The following TMEM232 variants were observed in gnomAD, a reference collection of about 807,000 sequenced individuals.
TMEM232 encodes transmembrane protein 232.
Under a neutral mutation model 78.8 loss-of-function variants are expected in TMEM232, and 80 were observed. That is an observed-to-expected ratio of 1.01 (90% confidence interval 0.85 to 1.22). The LOEUF (loss-of-function observed/expected upper bound fraction) is 1.22, where lower values mean the gene tolerates loss of function less well. Among genes scored for constraint, TMEM232 ranks in the 50% most tolerant of loss-of-function variants. The probability of loss-of-function intolerance (pLI) is 0.00; values close to 1 mark genes in which losing one functional copy is unlikely to be tolerated. For missense variants in TMEM232, 881 were observed against 742.2 expected (o/e 1.19, Z -2.17); for synonymous variants, 297 against 254.3 (o/e 1.17, Z -1.60).
Position 110,420,695 on chromosome 5 carries a change from T to C in TMEM232, c.1859A>G (p.Lys620Arg). 6.5e-7 allele frequency: 1 copy of C among 1,527,860 alleles called. No individual in the cohort carries two copies. The highest frequency in any genetic ancestry group is 8.7e-7 in the Non-Finnish European group (1 of 1,144,384). 94.6% of individuals were successfully genotyped at this position (1,527,860 alleles called of 1,614,324 possible). A position where few individuals can be genotyped will look rare whatever the true frequency, so the allele number is the denominator to read the frequency against. ...EDAICKAQELKDKKLAEKNHF... is the reference protein window; with the variant it reads ...EDAICKAQELRDKKLAEKNHF... ...ATTTTTCTCTGCTAACTTTTTATCT[T>C]TAAGTTCTTGGGCCTTGCATATTGC... The change falls in exon 14 of 14, where the codon AAA becomes AGA. Residue 620 changes from lysine (K) to arginine (R), a missense_variant. Coordinates refer to ENST00000455884, the MANE Select transcript of TMEM232 (RefSeq NM_001039763.4).
At chr5:110,523,983 G>T (rs1316646488) in intron 12 of TMEM232, among the ~76,000 whole-genome samples, 2 of 111,646 alleles carry the variant, frequency 1.8e-5, no homozygotes, top group Non-Finnish European at 3.6e-5. Flanking sequence ...GGGGCGGGGG[G>T]GCTGGGCCTG....
intron 10 of TMEM232, among the ~76,000 whole-genome samples, chr5:110,569,021 C>T (rs1007851158): frequency 1.3e-5 from 2 of 151,744 alleles, no homozygotes; most frequent in Non-Finnish European, 2.9e-5. Flanking sequence ...AAAAATACTT[C>T]CTGTTATTAA....
At chr5:110,427,426 A>G (rs1757361396) in intron 12 of TMEM232, among the ~76,000 whole-genome samples, 2 of 152,016 alleles carry the variant, frequency 1.3e-5, no homozygotes, top group African/African-American at 4.8e-5. Flanking sequence ...ATTGTAAGAA[A>G]AAGGAATGGA....
chr5:110,492,580 G>C lies in TMEM232; in HGVS notation c.1703+36008C>G, dbSNP rs1765230145. ...TACTACAACTATTCTTATGTCAAAA[G>C]GTTCAAACCATTCTGTTTACATTAG... On this transcript the variant is annotated intron_variant, in intron 12 of 13. Coordinates refer to ENST00000455884, the MANE Select transcript of TMEM232 (RefSeq NM_001039763.4). 2.0e-5 allele frequency among the ~76,000 whole-genome samples: 3 copies of C among 151,822 alleles called. No individual in the cohort carries two copies. The South Asian group carries it at 6.2e-4, about 32-fold the overall frequency.
chr5:110,408,065 A>C (rs1028139286), intron 2 of TMEM232, among the ~76,000 whole-genome samples: 9 of 152,130 alleles, frequency 5.9e-5, no homozygotes, highest in African/African-American at 2.2e-4. Context: ...AATCTATGGG[A>C]TACAACAAAA....
chr5:110,738,239 T>C (rs1303937925), upstream of TMEM232: 1 of 1,287,102 alleles, frequency 7.8e-7, no homozygotes, highest in African/African-American at 1.5e-5. Flanking sequence ...GTGGAGCTAA[T>C]GAAAACAGGT....
At chr5:110,472,660 C>G (rs887111151) in intron 12 of TMEM232, among the ~76,000 whole-genome samples, 3 of 151,828 alleles carry the variant, frequency 2.0e-5, no homozygotes, top group Admixed American at 6.6e-5. Context: ...ATCTCACTAC[C>G]TAACTTCAAA....
At chr5:110,478,492 G>C (rs961863007) in intron 12 of TMEM232, among the ~76,000 whole-genome samples, 3 of 151,916 alleles carry the variant, frequency 2.0e-5, no homozygotes, top group African/African-American at 7.2e-5. Context: ...AAGCAACTGA[G>C]GCCATTTTTG....
At chr5:110,613,609 G>T (rs943401764) in intron 8 of TMEM232, among the ~76,000 whole-genome samples, 2 of 152,080 alleles carry the variant, frequency 1.3e-5, no homozygotes, top group African/African-American at 4.8e-5. Flanking sequence ...ATTTAGTCCA[G>T]CAAATCCTGA....
intron 2 of TMEM232, among the ~76,000 whole-genome samples, chr5:110,658,730 G>A (rs1789414087): frequency 6.6e-6 from 1 of 152,022 alleles, no homozygotes; most frequent in Non-Finnish European, 1.5e-5. Context: ...ATCCCAAAGA[G>A]GGTTAATTGG....
At chr5:110,653,622 T>C (rs959730514) in intron 2 of TMEM232, among the ~76,000 whole-genome samples, 1 of 152,138 alleles carries the variant, frequency 6.6e-6, no homozygotes, top group Non-Finnish European at 1.5e-5. Context: ...TTGATCTATC[T>C]AAATCAATAG....
intron 1 of TMEM232, among the ~76,000 whole-genome samples, chr5:110,700,143 T>C (rs569377802): frequency 6.6e-6 from 1 of 152,072 alleles, no homozygotes; most frequent in East Asian, 1.9e-4. Flanking sequence ...CACAAATAAT[T>C]CCCCAGGTAT....
chr5:110,395,703 TATA>T (rs1263755612), intron 3 of TMEM232, among the ~76,000 whole-genome samples: 1 of 152,166 alleles, frequency 6.6e-6, no homozygotes, highest in Non-Finnish European at 1.5e-5. Context: ...TCCCAGAATA[TATA>T]ATATTTAGCT....
chr5:110,473,674 A>G (rs1350553528), intron 12 of TMEM232, among the ~76,000 whole-genome samples: 1 of 151,416 alleles, frequency 6.6e-6, no homozygotes, highest in Non-Finnish European at 1.5e-5. Flanking sequence ...TGTCAAATAG[A>G]TATCTGCACT....
intron 12 of TMEM232, among the ~76,000 whole-genome samples, chr5:110,503,042 CTTGT>C (rs1308187232): frequency 2.6e-5 from 4 of 152,020 alleles, no homozygotes; most frequent in Non-Finnish European, 4.4e-5. Context: ...GCATATTTTT[CTTGT>C]TTGTCACCAT....
intron 10 of TMEM232, among the ~76,000 whole-genome samples, chr5:110,592,837 T>C (rs1349808205): frequency 4.6e-5 from 7 of 152,316 alleles, no homozygotes; most frequent in Non-Finnish European, 1.0e-4. Flanking sequence ...CCTGTAGAGA[T>C]AGCTCTTTGA....
At chr5:110,675,387 T>C (rs934605722) in intron 1 of TMEM232, among the ~76,000 whole-genome samples, 1 of 152,130 alleles carries the variant, frequency 6.6e-6, no homozygotes, top group Non-Finnish European at 1.5e-5. Context: ...ACTGCTGCAA[T>C]GGTAGGTAAT....
At chr5:110,681,703 T>C (rs17132263) in intron 1 of TMEM232, among the ~76,000 whole-genome samples, 2,898 of 152,288 alleles carry the variant, frequency 0.019, 81 homozygotes, top group African/African-American at 0.067. Context: ...AAAAACAAGT[T>C]ACAGTTACAA....
intron 1 of TMEM232, among the ~76,000 whole-genome samples, chr5:110,678,631 A>G (rs1792331002): frequency 6.6e-6 from 1 of 152,038 alleles, no homozygotes; most frequent in African/African-American, 2.4e-5. Context: ...AGTATCATAC[A>G]GAGTGTTTTT....
Sources: allele counts gnomAD v4.1 joint callset (sites outside exome capture counted in the v4.1 genomes callset), GRCh38; gene constraint gnomAD v4.1.1; transcripts MANE v1.5; gene names NCBI Gene and HGNC (gene_info 2026-07-23, HGNC 2026-07-21).